Variants in ZNF333 observed in about 807,000 individuals in gnomAD.
The protein encoded by ZNF333 is zinc finger protein 333.
Under a neutral mutation model 76.1 loss-of-function variants are expected in ZNF333, and 61 were observed. The ratio of observed to expected loss-of-function variants is 0.80; its 90% CI spans 0.65 to 0.99. ZNF333 has a LOEUF of 0.99. Among genes scored for constraint, ZNF333 ranks in the 50% least tolerant of loss-of-function variants. ZNF333 has a pLI of 0.00. For missense variants in ZNF333, 717 were observed against 822.4 expected (o/e 0.87, Z 1.57); for synonymous variants, 284 against 305.0 (o/e 0.93, Z 0.72).
intron 4 of ZNF333, among the ~76,000 whole-genome samples, chr19:14,698,899 G>GATATATATATATATATAT (rs60299211): frequency 1.5e-5 from 2 of 132,708 alleles, no homozygotes; most frequent in African/African-American, 2.8e-5. Flanking sequence ...CACAAATATA[G>GATATATATATATATATAT]ATATATATAT....
At chr19:14,725,994 A>G (rs539621582), downstream of ZNF333, among the ~76,000 whole-genome samples, 11 of 152,262 alleles carry the variant, frequency 7.2e-5, 1 homozygote, top group South Asian at 2.3e-3. Context: ...TGTGGGAGCT[A>G]TGCCCCAATG....
At chr19:14,716,054 C>T (rs541940740) in intron 8 of ZNF333, 58 bp from the exon 9 acceptor site, 3 of 1,605,746 alleles carry the variant, frequency 1.9e-6, no homozygotes, top group East Asian at 4.5e-5. Flanking sequence ...CCTCCAGCAT[C>T]CTCTGGCGTA....
intron 4 of ZNF333, among the ~76,000 whole-genome samples, chr19:14,697,103 C>A (rs1450663360): frequency 6.6e-6 from 1 of 152,158 alleles, no homozygotes; most frequent in Non-Finnish European, 1.5e-5. Flanking sequence ...AACCCATGAA[C>A]TGTGGAGGAC....
intron 5 of ZNF333, chr19:14,701,504 T>C (rs1208000150): frequency 1.1e-5 from 10 of 892,312 alleles, no homozygotes; most frequent in Non-Finnish European, 1.3e-5. Flanking sequence ...GCTTGTTGAA[T>C]GAAGGAAGGA....
At position 14,719,290 on chromosome 19, in the gene ZNF333, A is replaced by G. The variant is rs920433438; in HGVS notation, c.1963A>G (p.Met655Val). The G allele has an allele frequency of 4.3e-6, 7 of 1,613,958 alleles. No homozygotes were observed. The highest frequency in any genetic ancestry group is 5.1e-6 in the Non-Finnish European group (6 of 1,179,914). Reference sequence around the variant, plus strand: ...TAGGAATGGCAGCCTGCCTTTATCCATGTCTCATCCATACTGTGGGCCCCT... The same window carrying G: ...TAGGAATGGCAGCCTGCCTTTATCCGTGTCTCATCCATACTGTGGGCCCCT... ...TIRNGSLPLS[M>V]SHPYCGPLAN The change falls in exon 12 of 12, where the codon ATG becomes GTG. Residue 655 changes from methionine to valine, a missense_variant. Physicochemically the swap from Met to Val is conservative, Grantham distance 21 (BLOSUM62 1). Coordinates refer to ENST00000292530, the MANE Select transcript of ZNF333 (RefSeq NM_032433.4).
intron 6 of ZNF333, chr19:14,706,394 C>G (rs2042111215): frequency 4.6e-6 from 2 of 433,816 alleles, no homozygotes; most frequent in Non-Finnish European, 8.6e-6. Context: ...TCCTGGCCAT[C>G]CACTCCCCAC....
intron 7 of ZNF333, chr19:14,715,046 T>C (rs2042385645): frequency 4.5e-5 from 9 of 201,088 alleles, no homozygotes; most frequent in South Asian, 1.5e-4. Flanking sequence ...TGCGTGTGTG[T>C]GTGTGTGTGT....
At chr19:14,695,233 C>A in intron 3 of ZNF333, 100 bp downstream of exon 3, 1 of 1,447,674 alleles carries the variant, frequency 6.9e-7, no homozygotes. Context: ...GGCTTTGTGG[C>A]ACTTAGCGTC....
chr19:14,731,314 C>G, exon 12 of ZNF333: 2 of 951,660 alleles, frequency 2.1e-6, no homozygotes, highest in Non-Finnish European at 3.2e-6. Flanking sequence ...GCTTGCAGGT[C>G]AGTGGCCTTG....
downstream of ZNF333, among the ~76,000 whole-genome samples, chr19:14,724,781 T>C (rs1469062870): frequency 6.6e-6 from 1 of 152,116 alleles, no homozygotes; most frequent in Non-Finnish European, 1.5e-5. Flanking sequence ...AGAAAAACTT[T>C]GTTTAAAAAT....
At chr19:14,731,331 C>G (rs2042669655) in exon 12 of ZNF333, 4 of 784,266 alleles carry the variant, frequency 5.1e-6, no homozygotes, top group Admixed American at 4.9e-5. Context: ...CTTGGACTTT[C>G]AAACTTCCAG....
At chr19:14,700,568 G>C (rs1208117890) in intron 5 of ZNF333, among the ~76,000 whole-genome samples, 1 of 152,140 alleles carries the variant, frequency 6.6e-6, no homozygotes, top group Non-Finnish European at 1.5e-5. Context: ...TTCCATATGA[G>C]CTTGTACATT....
At chr19:14,732,652 TA>T (rs2042683048) in exon 12 of ZNF333, 1 of 152,148 alleles carries the variant, frequency 6.6e-6, no homozygotes, top group Admixed American at 6.6e-5. Flanking sequence ...TGAAAACAAA[TA>T]AAAAGAAGAA....
At chr19:14,708,402 C>G (rs910683824) in intron 7 of ZNF333, 1 of 401,160 alleles carries the variant, frequency 2.5e-6, no homozygotes, top group Non-Finnish European at 4.4e-6. Flanking sequence ...ACCGACCCCT[C>G]CTCCGTGGAG....
chr19:14,698,899 GATATATATATATATATATAT>G (rs60299211), intron 4 of ZNF333, among the ~76,000 whole-genome samples: 32 of 132,712 alleles, frequency 2.4e-4, no homozygotes, highest in African/African-American at 4.2e-4. Flanking sequence ...CACAAATATA[GATATATATATATATATATAT>G]ATATATATAT....
At chr19:14,691,179 C>T (rs932719444) in intron 1 of ZNF333, among the ~76,000 whole-genome samples, 2 of 152,124 alleles carry the variant, frequency 1.3e-5, no homozygotes, top group Admixed American at 1.3e-4. Flanking sequence ...ACGACTTTTA[C>T]TTCTGCTGTG....
intron 11 of ZNF333, among the ~76,000 whole-genome samples, chr19:14,729,276 C>T (rs1315379543): frequency 6.6e-6 from 1 of 152,134 alleles, no homozygotes; most frequent in Non-Finnish European, 1.5e-5. Flanking sequence ...CTGCCCTATG[C>T]ACTGAAGACT....
In ZNF333 at chr19:14,716,198, A is replaced by C. The variant is rs201611145; in HGVS notation, c.687A>C (p.Arg229Ser). 1 of 1,613,706 alleles carries C rather than the reference A, an allele frequency of 6.2e-7. No homozygotes were observed. The highest frequency in any genetic ancestry group is 1.3e-5 in the African/African-American group (1 of 74,900). Residue 229 changes from arginine (R) to serine (S), a missense_variant, in exon 9 of 12, where the codon AGA (arginine) becomes AGC (serine). Transcript: ENST00000292530. Reference sequence around the variant, plus strand: ...ACTCTACTCAGAGGAGCCTGTATAGAGATGTGATGCTGGAGAACTACAGGA... The same window carrying C: ...ACTCTACTCAGAGGAGCCTGTATAGCGATGTGATGCTGGAGAACTACAGGA... ...FLDSTQRSLYRDVMLENYRNL... is the reference protein window; with the variant it reads ...FLDSTQRSLYSDVMLENYRNL...
rs180895105 is a variant in ZNF333 at position 14,718,732 on chromosome 19, G to A, written c.1405G>A (p.Val469Met). The A allele has an allele frequency of 5.0e-6, 8 of 1,613,850 alleles. No homozygotes were observed. Among genetic ancestry groups the A allele is most frequent in the African/African-American group, 1.3e-5 (1 of 74,826 alleles). ...TCAGCCATCATCCCTCAGGAGCCAC[G>A]TGAGAACTCACACTGGAGAGAAGCC... ...FNQPSSLRSH[V>M]RTHTGEKPFE... is the part of the protein sequence containing the mutation. Residue 469 changes from valine (V) to methionine (M), a missense_variant, in exon 12 of 12, where the codon GTG becomes ATG. Physicochemically the swap from Val to Met is conservative, Grantham distance 21. Coordinates refer to ENST00000292530, the MANE Select transcript of ZNF333 (RefSeq NM_032433.4).
Sources: gnomAD v4.1 joint callset for allele counts (sites outside exome capture counted in the v4.1 genomes callset) on GRCh38, gnomAD v4.1.1 for gene constraint, MANE v1.5 for transcripts, NCBI Gene and HGNC (gene_info 2026-07-23, HGNC 2026-07-21) for gene names.